RFTN1: variants seen among roughly 807,000 people sequenced by gnomAD.
RFTN1 encodes raftlin, lipid raft linker 1.
RFTN1 carries 26 observed loss-of-function variants against 46.5 expected under a neutral mutation model. The observed-to-expected ratio is 0.56, with a 90% confidence interval of 0.41 to 0.78. The LOEUF (loss-of-function observed/expected upper bound fraction) is 0.78. Ranked by LOEUF, RFTN1 falls within the 30% of genes least tolerant of loss-of-function variation. The pLI, the probability that RFTN1 is intolerant of heterozygous loss-of-function variation, is 0.00. For missense variants in RFTN1, 693 were observed against 718.7 expected (o/e 0.96, Z 0.41); for synonymous variants, 261 against 284.2 (o/e 0.92, Z 0.82).
chr3:16,467,581 G>A (rs981086700), intron 2 of RFTN1, among the ~76,000 whole-genome samples: 1 of 152,240 alleles, frequency 6.6e-6, no homozygotes, highest in African/African-American at 2.4e-5. Flanking sequence ...GGCAGGGCCT[G>A]AGCCCGGGGA....
Position 16,377,809 on chromosome 3 carries a change from A to C in RFTN1, c.735T>G (p.Asp245Glu). The C allele has an allele frequency of 6.2e-7, 1 of 1,614,036 alleles. No homozygotes were observed. The highest frequency in any genetic ancestry group is 8.5e-7 in the Non-Finnish European group (1 of 1,179,984). ...KQPSSPSGEG[D>E]GGELSPQGVS... ...CCCCCTGTGGTGAAAGTTCTCCACC[A>C]TCTCCCTCTCCGGAGGGTGAGCTGG... Residue 245 changes from aspartate (D) to glutamate (E), a missense_variant, in exon 5 of 10, where the codon GAT (aspartate) becomes GAG (glutamate). Physicochemically the swap from Asp to Glu is conservative, Grantham distance 45 (BLOSUM62 2). Transcript: ENST00000334133.
At chr3:16,392,105 C>CT (rs1304063583) in intron 4 of RFTN1, among the ~76,000 whole-genome samples, 2 of 151,976 alleles carry the variant, frequency 1.3e-5, no homozygotes, top group Non-Finnish European at 1.5e-5. Flanking sequence ...CTGCAGTGTC[C>CT]TCTAGCCATC....
intron 7 of RFTN1, among the ~76,000 whole-genome samples, chr3:16,355,535 C>T (rs939126943): frequency 2.0e-5 from 3 of 152,260 alleles, no homozygotes; most frequent in African/African-American, 7.2e-5. Context: ...TAAGGGCATT[C>T]ATCCTATCCA....
intron 6 of RFTN1, among the ~76,000 whole-genome samples, chr3:16,368,302 G>A (rs1038376928): frequency 5.9e-5 from 9 of 152,188 alleles, no homozygotes; most frequent in African/African-American, 1.9e-4. Flanking sequence ...ACCCACGGAG[G>A]GCTTCCTTGT....
intron 1 of RFTN1, among the ~76,000 whole-genome samples, chr3:16,501,095 C>T (rs954376129): frequency 7.2e-5 from 11 of 152,168 alleles, no homozygotes; most frequent in Non-Finnish European, 1.3e-4. Flanking sequence ...TCTGATCGCA[C>T]CACCGCACTG....
intron 2 of RFTN1, among the ~76,000 whole-genome samples, chr3:16,478,688 C>T (rs372429068): frequency 2.9e-4 from 44 of 152,304 alleles, no homozygotes; most frequent in African/African-American, 1.0e-3. Context: ...CAAGGCTCCA[C>T]TGGGGGAAGA....
chr3:16,477,331 G>T lies in RFTN1; in HGVS notation c.145+16394C>A, dbSNP rs563699384. ...TCTTGAATTCCCAGCAGGAAAGTGT[G>T]TCAATTGAATGCAATTTTATTTTTC... On this transcript the variant is annotated intron_variant, in intron 2 of 9. Transcript: ENST00000334133. 9.1e-4 allele frequency among the ~76,000 whole-genome samples: 138 copies of T among 152,290 alleles called. 1 individual carries two copies. Among genetic ancestry groups the T allele is most frequent in the Middle Eastern group, 3.4e-3 (1 of 294 alleles).
chr3:16,420,660 A>G (rs369938675), intron 3 of RFTN1, among the ~76,000 whole-genome samples: 1 of 152,238 alleles, frequency 6.6e-6, no homozygotes, highest in Non-Finnish European at 1.5e-5. Context: ...TAAAATAGCC[A>G]CTACGGTTTT....
Position 16,442,253 on chromosome 3 carries a change from A to T in RFTN1, c.146-8216T>A, listed in dbSNP as rs1377778570. On this transcript the variant is annotated intron_variant, in intron 2 of 9. Coordinates refer to ENST00000334133, the MANE Select transcript of RFTN1 (RefSeq NM_015150.2). This position sits in a 1 kb window ranked among gnomAD's most constrained non-coding sequence, Gnocchi z 4.1. ...ACATAAAATTAATCATTTTAAAGTGAACTATTTGGTGGCGTTTAGTATCTT... is the reference window on the plus strand; with the variant it reads ...ACATAAAATTAATCATTTTAAAGTGTACTATTTGGTGGCGTTTAGTATCTT... Among the ~76,000 whole-genome samples, 3 of 152,172 alleles carry T rather than the reference A, an allele frequency of 2.0e-5. No homozygotes were observed. Among genetic ancestry groups the T allele is most frequent in the Non-Finnish European group, 4.4e-5 (3 of 68,026 alleles).
rs547024489 is a variant in RFTN1 at position 16,440,290 on chromosome 3, C to T, written c.146-6253G>A. ...CACAATCTTGGCTCACTGAAACCTC[C>T]GCCTTCTGGACTCAAGTGATCCTCC... On this transcript the variant is annotated intron_variant, in intron 2 of 9. Coordinates refer to ENST00000334133, the MANE Select transcript of RFTN1 (RefSeq NM_015150.2). This position sits in a 1 kb window ranked among gnomAD's most constrained non-coding sequence, Gnocchi z 4.6. 5.3e-5 allele frequency among the ~76,000 whole-genome samples: 8 copies of T among 152,306 alleles called. 1 individual carries two copies. In the East Asian group the frequency reaches 9.6e-4, roughly 18 times the overall value.
intron 7 of RFTN1, among the ~76,000 whole-genome samples, chr3:16,347,158 G>A (rs2071778625): frequency 6.6e-6 from 1 of 152,080 alleles, no homozygotes; most frequent in East Asian, 1.9e-4. Flanking sequence ...TCCCACTATG[G>A]CTCCCTTCAA....
At position 16,457,238 on chromosome 3, in the gene RFTN1, G is replaced by A. The variant is rs1316523749; in HGVS notation, c.146-23201C>T. ...TTCCCTTCAGTAAACATTGCAGGGA[G>A]GCAAGTCTTCTTAAGAAGCAGTTTA... is the stretch of plus-strand genomic sequence containing the variant. On this transcript the variant is annotated intron_variant, in intron 2 of 9. Transcript: ENST00000334133. The surrounding 1 kb of genome is among the most constrained non-coding windows in gnomAD (Gnocchi z 4.2). 1.3e-5 allele frequency among the ~76,000 whole-genome samples: 2 copies of A among 152,212 alleles called. No individual in the cohort carries two copies. The highest frequency in any genetic ancestry group is 3.9e-4 in the East Asian group (2 of 5,192).
intron 4 of RFTN1, among the ~76,000 whole-genome samples, chr3:16,386,803 G>A (rs554337361): frequency 6.6e-6 from 1 of 152,294 alleles, no homozygotes; most frequent in East Asian, 1.9e-4. Flanking sequence ...GGACATGGCT[G>A]GGGCCCGGAA....
In RFTN1 at chr3:16,381,275, G is replaced by A. The variant is rs1459794050; in HGVS notation, c.442-3173C>T. ...ATAAGTGATTTTTTTCTATTACTGT[G>A]TAATTTTCAAAATTTACTTAAGGGG... On this transcript the variant is annotated intron_variant, in intron 4 of 9. Transcript: ENST00000334133. This position sits in a 1 kb window ranked among gnomAD's most constrained non-coding sequence, Gnocchi z 4.2. 6.6e-6 allele frequency among the ~76,000 whole-genome samples: 1 copy of A among 152,116 alleles called. No individual in the cohort carries two copies. The highest frequency in any genetic ancestry group is 2.1e-4 in the South Asian group (1 of 4,820).
intron 7 of RFTN1, among the ~76,000 whole-genome samples, chr3:16,340,630 G>C (rs1169342234): frequency 6.6e-6 from 1 of 152,210 alleles, no homozygotes; most frequent in African/African-American, 2.4e-5. Flanking sequence ...ACATTTAATG[G>C]AGATGAGTGT....
In RFTN1 at chr3:16,493,780, G is replaced by C; in HGVS notation, c.90C>G (p.Thr30=). 2 of 1,611,838 alleles carry C rather than the reference G, an allele frequency of 1.2e-6. No individual in the cohort carries two copies. Among genetic ancestry groups the C allele is most frequent in the South Asian group, 2.2e-5 (2 of 91,016 alleles). Residue 30 remains threonine, a synonymous_variant, in exon 2 of 10, where the codon ACC becomes ACG. Transcript: ENST00000334133. The part of the protein sequence containing the change: ...YSTLKRPQVE[T]KIDVSYEYRF... Reference sequence around the variant, plus strand: ...GGTATTCATAGGACACATCTATCTTGGTTTCCACCTGAGGCCTCTTCAAAG... The same window carrying C: ...GGTATTCATAGGACACATCTATCTTCGTTTCCACCTGAGGCCTCTTCAAAG...
chr3:16,393,247 G>A (rs994617373), intron 4 of RFTN1, among the ~76,000 whole-genome samples: 2 of 152,132 alleles, frequency 1.3e-5, no homozygotes, highest in East Asian at 1.9e-4. Flanking sequence ...GAAGGTAGGT[G>A]CACTGAGGTA....
At chr3:16,373,909 C>T (rs2073631884) in intron 5 of RFTN1, among the ~76,000 whole-genome samples, 1 of 152,154 alleles carries the variant, frequency 6.6e-6, no homozygotes, top group Admixed American at 6.5e-5. Context: ...CAGGCTGCTC[C>T]ATCCAGATGC....
At chr3:16,510,148 A>T (rs1483732226) in intron 1 of RFTN1, among the ~76,000 whole-genome samples, 2 of 152,210 alleles carry the variant, frequency 1.3e-5, no homozygotes, top group East Asian at 1.9e-4. Context: ...AGGCCAGATC[A>T]CTTTCACAAG....
Sources: allele counts gnomAD v4.1 joint callset (sites outside exome capture counted in the v4.1 genomes callset), GRCh38; gene constraint gnomAD v4.1.1; non-coding constraint Gnocchi (gnomAD v3.1); transcripts MANE v1.5; gene names NCBI Gene and HGNC (gene_info 2026-07-23, HGNC 2026-07-21).